The following NWD1 variants were observed in gnomAD, a reference collection of about 807,000 sequenced individuals.
NWD1 encodes the protein NACHT domain- and WD repeat-containing protein 1.
NWD1 carries 129 observed loss-of-function variants against 135.1 expected under a neutral mutation model. That is an observed-to-expected ratio of 0.96 (90% CI 0.83 to 1.11). The LOEUF is 1.11. NWD1 is among the 50% of genes least tolerant of loss of function. The pLI is 0.00. For synonymous variants in NWD1, 773 were observed against 786.0 expected, an observed-to-expected ratio of 0.98 and a Z score of 0.28; for missense variants, 1,740 against 1,851.3, an observed-to-expected ratio of 0.94 and a Z score of 1.10.
At chr19:16,740,278 G>A (rs1968025843) in intron 4 of NWD1, among the ~76,000 whole-genome samples, 1 of 152,016 alleles carries the variant, frequency 6.6e-6, no homozygotes, top group African/African-American at 2.4e-5. Context: ...TGGCCTGGGT[G>A]CCAGAGGAAG....
intron 12 of NWD1, among the ~76,000 whole-genome samples, chr19:16,786,730 A>G (rs764259138): frequency 1.3e-5 from 2 of 151,892 alleles, no homozygotes; most frequent in African/African-American, 2.4e-5. Context: ...TATTTTTAGT[A>G]GAGACGGGGT....
rs910809308 is a variant in NWD1, at chr19:16,814,137, G to A, written c.4288-891G>A. Among the ~76,000 whole-genome samples the A allele has an allele frequency of 1.1e-4, 16 of 152,124 alleles. 1 individual carries two copies. The highest frequency in any genetic ancestry group is 4.4e-5 in the Non-Finnish European group (3 of 68,026). ...ATAGCACCATTGCACTCCAGCCTGGGCAACAGAGTGAGACCCTGTCAAAAA... is the reference window on the plus strand; with the variant it reads ...ATAGCACCATTGCACTCCAGCCTGGACAACAGAGTGAGACCCTGTCAAAAA... On this transcript the variant is annotated intron_variant, in intron 18 of 18. Transcript: ENST00000524140.
At position 16,807,858 on chromosome 19, in the gene NWD1, G is replaced by A. The variant is rs200127031; in HGVS notation, c.4009G>A (p.Asp1337Asn). 36 of 1,614,160 alleles carry A rather than the reference G, an allele frequency of 2.2e-5. No individual in the cohort carries two copies. In the East Asian group the frequency reaches 4.5e-4, roughly 20 times the overall value. ...CTCCGGGGACCCCTGCCCGGTCATC[G>A]ATGGGCCAAGATACACCTTTTACAC... ...ITSGDPCPVIDGPRYTFYTQL... is the reference protein window; with the variant it reads ...ITSGDPCPVINGPRYTFYTQL... The change falls in exon 18 of 19, where the codon GAT becomes AAT. Residue 1337 changes from aspartate to asparagine, a missense_variant. Physicochemically the swap from Asp to Asn is conservative, Grantham distance 23. Coordinates refer to ENST00000524140, the MANE Select transcript of NWD1 (RefSeq NM_001007525.5).
chr19:16,815,004 G>T (rs1237259266), intron 18 of NWD1, 24 bp from the exon 19 acceptor site: 1 of 1,605,606 alleles, frequency 6.2e-7, no homozygotes, highest in Non-Finnish European at 8.5e-7. Flanking sequence ...TTTCTCATTT[G>T]TGTCCTTCTC....
At chr19:16,781,683 G>T (rs903472469) in intron 12 of NWD1, among the ~76,000 whole-genome samples, 1 of 151,856 alleles carries the variant, frequency 6.6e-6, no homozygotes, top group African/African-American at 2.4e-5. Flanking sequence ...GAGGGCAAGG[G>T]TTATGTTTTA....
Position 16,815,216 on chromosome 19 carries a change from C to A in NWD1, c.*177C>A. 2 of 799,222 alleles carry A rather than the reference C, an allele frequency of 2.5e-6. No individual in the cohort carries two copies. Among genetic ancestry groups the A allele is most frequent in the Non-Finnish European group, 4.6e-6 (2 of 434,764 alleles). 49.5% of individuals were successfully genotyped at this position (799,222 alleles called of 1,614,324 possible). ...GGCAATGTGGATGGTCAAATCCAGG[C>A]AGAGAGAGGAGCTAGTTGCAGCTGC... On this transcript the variant is annotated 3_prime_UTR_variant, in exon 19 of 19. Transcript: ENST00000524140.
chr19:16,787,089 G>A (rs1208660326), intron 12 of NWD1, among the ~76,000 whole-genome samples: 1 of 151,870 alleles, frequency 6.6e-6, no homozygotes, highest in South Asian at 2.1e-4. Context: ...CTTCCAAATT[G>A]TACGTTTTGC....
chr19:16,754,052 T>TCCAC (rs1968684083), intron 6 of NWD1, among the ~76,000 whole-genome samples: 1 of 145,894 alleles, frequency 6.9e-6, no homozygotes, highest in African/African-American at 2.7e-5. Context: ...CATCCATCCA[T>TCCAC]CCACCCATCA....
chr19:16,747,943 C>T (rs1968393358), intron 5 of NWD1, among the ~76,000 whole-genome samples: 1 of 152,010 alleles, frequency 6.6e-6, no homozygotes, highest in Non-Finnish European at 1.5e-5. Context: ...GTGGAAGGAC[C>T]ATATTTTGTT....
chr19:16,761,341 C>T (rs1014999255), intron 7 of NWD1, among the ~76,000 whole-genome samples: 1 of 150,158 alleles, frequency 6.7e-6, no homozygotes, highest in African/African-American at 2.5e-5. Flanking sequence ...ACACCTGTTC[C>T]CTTTCTTTCT....
rs763627022 is a variant in NWD1 at position 16,762,089 on chromosome 19, AG to A, written c.2085del (p.Lys695AsnfsTer12). On this transcript the variant is annotated frameshift_variant, in exon 8 of 19. Coordinates refer to ENST00000524140, the MANE Select transcript of NWD1 (RefSeq NM_001007525.5). LOFTEE classifies it high-confidence loss of function. ...FSGTWSQGTK[K>X]LITLPLVGKP... is the part of the protein sequence containing the mutation. ...GGGACCTGGAGCCAGGGTACCAAGA[AG>A]CTCATCACTCTGCCACTTGTGGGGA... The A allele has an allele frequency of 5.0e-6, 8 of 1,614,000 alleles. No individual in the cohort carries two copies. The highest frequency in any genetic ancestry group is 5.9e-6 in the Non-Finnish European group (7 of 1,180,018).
At chr19:16,757,748 G>A (rs1968852061) in intron 6 of NWD1, among the ~76,000 whole-genome samples, 1 of 152,124 alleles carries the variant, frequency 6.6e-6, no homozygotes, top group African/African-American at 2.4e-5. Context: ...GGCTCTGTCT[G>A]ATACCATATC....
intron 7 of NWD1, among the ~76,000 whole-genome samples, chr19:16,760,332 C>T (rs186441746): frequency 1.0e-3 from 155 of 151,318 alleles, no homozygotes; most frequent in Admixed American, 1.9e-3. Context: ...CATCATGGCT[C>T]ACTGCAGCCT....
intron 18 of NWD1, among the ~76,000 whole-genome samples, chr19:16,811,837 GAAA>G (rs1387066507): frequency 1.3e-5 from 2 of 152,038 alleles, no homozygotes; most frequent in Non-Finnish European, 2.9e-5. Context: ...CCAACATGAT[GAAA>G]CCCCTTCTCT....
intron 4 of NWD1, 107 bp downstream of exon 4, chr19:16,736,857 G>A (rs559594262): frequency 4.8e-4 from 343 of 721,658 alleles, no homozygotes; most frequent in Non-Finnish European, 7.2e-4. Context: ...TTCTGCTTTC[G>A]TACCTTATCC....
At chr19:16,782,991 C>A (rs886373235) in intron 12 of NWD1, among the ~76,000 whole-genome samples, 5 of 145,448 alleles carry the variant, frequency 3.4e-5, no homozygotes, top group Non-Finnish European at 6.0e-5. Flanking sequence ...CTCCCTCCCT[C>A]CTTTCTCTCT....
intron 12 of NWD1, among the ~76,000 whole-genome samples, chr19:16,782,072 C>T (rs1232553507): frequency 1.5e-5 from 2 of 137,364 alleles, no homozygotes; most frequent in African/African-American, 5.5e-5. Context: ...CCAGCCTGGG[C>T]GACAGAGTGA....
At chr19:16,735,339 A>G (rs1314569797) in intron 3 of NWD1, among the ~76,000 whole-genome samples, 1 of 151,852 alleles carries the variant, frequency 6.6e-6, no homozygotes, top group Non-Finnish European at 1.5e-5. Context: ...CTTTATCTCT[A>G]ATAAAGATAC....
intron 4 of NWD1, among the ~76,000 whole-genome samples, chr19:16,742,535 T>C (rs1306425167): frequency 6.6e-6 from 1 of 152,050 alleles, no homozygotes; most frequent in African/African-American, 2.4e-5. Flanking sequence ...CAGGCCCCTG[T>C]TTCCATGATA....
Sources: allele counts gnomAD v4.1 joint callset (sites outside exome capture counted in the v4.1 genomes callset), GRCh38; gene constraint gnomAD v4.1.1; transcripts MANE v1.5; gene names NCBI Gene and HGNC (gene_info 2026-07-23, HGNC 2026-07-21).